The following HUWE1 variants were observed in gnomAD, a reference collection of about 807,000 sequenced individuals.
HUWE1 encodes HECT, UBA and WWE domain containing E3 ubiquitin protein ligase 1, also known as E3 ubiquitin-protein ligase HUWE1.
Under a neutral mutation model 299.4 loss-of-function variants are expected in HUWE1, and 18 were observed. The ratio of observed to expected loss-of-function variants is 0.06; its 90% CI spans 0.04 to 0.09. The LOEUF (loss-of-function observed/expected upper bound fraction) is 0.09. Ranked by LOEUF, HUWE1 falls within the 10% of genes least tolerant of loss-of-function variation. HUWE1 has a pLI of 1.00. For synonymous variants in HUWE1, 1,317 were observed against 1,286.1 expected, an observed-to-expected ratio of 1.02 and a Z score of -0.51; for missense variants, 1,832 against 3,462.3, an observed-to-expected ratio of 0.53 and a Z score of 11.82.
chrX:53,582,643 CT>C (rs2063677258), intron 42 of HUWE1, among the ~76,000 whole-genome samples: 1 of 112,490 alleles, frequency 8.9e-6, no homozygotes, highest in Non-Finnish European at 1.9e-5. Flanking sequence ...GAAGCAAAGT[CT>C]ATTAACAGTC....
chrX:53,667,373 A>G (rs1232870103), intron 3 of HUWE1, among the ~76,000 whole-genome samples: 1 of 112,285 alleles, frequency 8.9e-6, no homozygotes, highest in African/African-American at 3.2e-5. Context: ...AACTGGAAAT[A>G]TCTAAGTCAA....
At position 53,588,394 on chromosome X, in the gene HUWE1, C is replaced by G; in HGVS notation, c.4602G>C (p.Thr1534=). The part of the protein sequence containing the change: ...SNLATRILLL[T]LLFEELKLPC... ...ATCTAAATCTTACCTCAAAAAGTAGCGTTAAAAGCAAGATTCTAGTAGCCA... is the reference window on the plus strand; with the variant it reads ...ATCTAAATCTTACCTCAAAAAGTAGGGTTAAAAGCAAGATTCTAGTAGCCA... Residue 1534 remains threonine (T), a synonymous_variant, in exon 37 of 84, where the codon ACG becomes ACC. Coordinates refer to ENST00000262854, the MANE Select transcript of HUWE1 (RefSeq NM_031407.7). The G allele has an allele frequency of 8.3e-7, 1 of 1,209,141 alleles. No individual in the cohort carries two copies. Among genetic ancestry groups the G allele is most frequent in the Non-Finnish European group, 1.1e-6 (1 of 894,305 alleles).
intron 25 of HUWE1, 123 bp downstream of exon 25, chrX:53,607,400 C>T (rs1556997701): frequency 3.4e-6 from 2 of 589,304 alleles, no homozygotes; most frequent in Non-Finnish European, 5.4e-6. Context: ...ACTTATACAA[C>T]ATAACACAAA....
At position 53,554,839 on chromosome X, in the gene HUWE1, C is replaced by A; in HGVS notation, c.8288G>T (p.Gly2763Val). The change falls in exon 61 of 84, where the codon GGC (glycine) becomes GTC (valine). Residue 2763 changes from glycine to valine, a missense_variant. Transcript: ENST00000262854. Reference sequence around the variant, plus strand: ...TTGCTGTTGTGAGGATTGCAGAGTGCCAAGGGTCTCCTTGGACTCAGATGT... The same window carrying A: ...TTGCTGTTGTGAGGATTGCAGAGTGACAAGGGTCTCCTTGGACTCAGATGT... ...AATSESKETL[G>V]TLQSSQQQPT... 17 of 1,208,179 alleles carry A rather than the reference C, an allele frequency of 1.4e-5. No homozygotes were observed. Among genetic ancestry groups the A allele is most frequent in the Non-Finnish European group, 1.9e-5 (17 of 893,062 alleles).
rs2063073988 is a variant in HUWE1, at chrX:53,575,760, A to G, written c.5913T>C (p.Val1971=). Residue 1971 remains valine (V), a synonymous_variant, in exon 45 of 84, where the codon GTT becomes GTC. Transcript: ENST00000262854. ...EADKSDPKPG[V]MTQEVGQLLQ... is the part of the protein sequence containing the mutation. ...GGAGCTGGCCAACCTCTTGGGTCAT[A>G]ACCCCAGGTTTAGGATCAGATTTAT... The G allele has an allele frequency of 8.3e-7, 1 of 1,211,764 alleles. No individual in the cohort carries two copies. Among genetic ancestry groups the G allele is most frequent in the African/African-American group, 1.7e-5 (1 of 57,857 alleles).
intron 7 of HUWE1, among the ~76,000 whole-genome samples, chrX:53,644,618 T>G (rs140556598): frequency 0.011 from 1,230 of 112,503 alleles, 23 homozygotes; most frequent in African/African-American, 0.038. Flanking sequence ...TTTATAATTA[T>G]ACAAAACTAA....
At chrX:53,561,984 C>G in intron 54 of HUWE1, 60 bp from the exon 55 acceptor site, 1 of 1,211,070 alleles carries the variant, frequency 8.3e-7, no homozygotes, top group Non-Finnish European at 1.1e-6. Context: ...AAGCCTGGTG[C>G]CATGGCCACA....
chrX:53,568,610 C>T, intron 49 of HUWE1, 82 bp downstream of exon 49: 3 of 964,511 alleles, frequency 3.1e-6, no homozygotes, highest in Middle Eastern at 3.1e-4. Flanking sequence ...CCAAAGTTTT[C>T]CCACTACACC....
At chrX:53,549,745 C>T (rs782609648) in intron 66 of HUWE1, among the ~76,000 whole-genome samples, 1 of 108,444 alleles carries the variant, frequency 9.2e-6, no homozygotes, top group East Asian at 2.9e-4. Flanking sequence ...AGAATGAAGC[C>T]CCCCACCCCC....
intron 6 of HUWE1, 93 bp from the exon 7 acceptor site, chrX:53,645,556 T>A: frequency 1.1e-6 from 1 of 906,494 alleles, no homozygotes; most frequent in Non-Finnish European, 1.6e-6. Context: ...TACAAAGCTA[T>A]CAAGAAGTTT....
At chrX:53,575,919 A>G in intron 44 of HUWE1, 131 bp from the exon 45 acceptor site, 1 of 654,938 alleles carries the variant, frequency 1.5e-6, no homozygotes, top group Non-Finnish European at 2.3e-6. Flanking sequence ...GTGCTATTAC[A>G]GATAATGTTA....
At chrX:53,537,786 C>CGAAGGAG (rs2061131600) in intron 77 of HUWE1, 90 bp from the exon 78 acceptor site, 1 of 912,590 alleles carries the variant, frequency 1.1e-6, no homozygotes, top group Admixed American at 2.7e-5. Context: ...CAATGATGCT[C>CGAAGGAG]CTTCTATCCT....
intron 3 of HUWE1, among the ~76,000 whole-genome samples, chrX:53,665,543 A>G (rs1266321410): frequency 8.9e-6 from 1 of 111,846 alleles, no homozygotes; most frequent in African/African-American, 3.3e-5. Context: ...CACATCCTCT[A>G]TTCAAACAGT....
chrX:53,622,126 C>T (rs1557012936), intron 19 of HUWE1, among the ~76,000 whole-genome samples: 1 of 111,827 alleles, frequency 8.9e-6, no homozygotes, highest in East Asian at 2.8e-4. Flanking sequence ...CGTGACCTCA[C>T]TGGGTGCTTC....
At chrX:53,609,339 T>C (rs2065318957) in intron 23 of HUWE1, among the ~76,000 whole-genome samples, 1 of 112,443 alleles carries the variant, frequency 8.9e-6, no homozygotes. Context: ...ATAAGTTCAA[T>C]TAAAAGACTC....
intron 22 of HUWE1, among the ~76,000 whole-genome samples, chrX:53,615,116 T>A (rs184962584): frequency 1.4e-3 from 152 of 110,031 alleles, no homozygotes; most frequent in Non-Finnish European, 2.5e-3. Context: ...AAACGGAGAC[T>A]AGAAAGGGTA....
intron 68 of HUWE1, 29 bp downstream of exon 68, chrX:53,547,644 C>T (rs377129899): frequency 8.6e-5 from 104 of 1,206,174 alleles, no homozygotes; most frequent in Non-Finnish European, 1.1e-4. Context: ...GTATATACCC[C>T]ACAGCTCCCA....
intron 16 of HUWE1, 21 bp downstream of exon 16, chrX:53,627,718 G>C (rs1274093853): frequency 8.5e-7 from 1 of 1,178,223 alleles, no homozygotes; most frequent in African/African-American, 1.8e-5. Context: ...TCTGTGCAAA[G>C]CATTCCTTGT....
chrX:53,588,395 G>A lies in HUWE1; in HGVS notation c.4601C>T (p.Thr1534Met). ...TCTAAATCTTACCTCAAAAAGTAGC[G>A]TTAAAAGCAAGATTCTAGTAGCCAA... Reference protein sequence around the residue: ...SNLATRILLLTLLFEELKLPC... With the variant: ...SNLATRILLLMLLFEELKLPC... Residue 1534 changes from threonine (T) to methionine (M), a missense_variant, in exon 37 of 84, where the codon ACG (threonine) becomes ATG (methionine). By Grantham distance (81) the Thr-to-Met change is moderately conservative. This residue lies in a region of HUWE1 where 658 missense variants were observed against 1,282.6 expected (regional missense o/e 0.51). Transcript: ENST00000262854. The A allele has an allele frequency of 8.3e-7, 1 of 1,209,412 alleles. No individual in the cohort carries two copies. Among genetic ancestry groups the A allele is most frequent in the Non-Finnish European group, 1.1e-6 (1 of 894,422 alleles).
Sources: allele counts gnomAD v4.1 joint callset (sites outside exome capture counted in the v4.1 genomes callset), GRCh38; gene constraint gnomAD v4.1.1; regional missense constraint gnomAD v4.1.1; transcripts MANE v1.5; gene names NCBI Gene and HGNC (gene_info 2026-07-23, HGNC 2026-07-21).